SIRT4: variants seen among roughly 807,000 people sequenced by gnomAD.
SIRT4 encodes NAD-dependent protein lipoamidase sirtuin-4, mitochondrial.
Under a neutral mutation model 26.1 loss-of-function variants are expected in SIRT4, and 23 were observed. That is an observed-to-expected ratio of 0.88 (90% CI 0.63 to 1.25). The LOEUF (loss-of-function observed/expected upper bound fraction) is 1.25. Ranked by LOEUF, SIRT4 falls within the 50% of genes most tolerant of loss-of-function variation. The probability of loss-of-function intolerance (pLI) is 0.00; values close to 1 mark genes in which losing one functional copy is unlikely to be tolerated. For missense variants in SIRT4, 361 were observed against 405.4 expected (o/e 0.89, Z 0.94); for synonymous variants, 155 against 158.4 (o/e 0.98, Z 0.16).
rs749168988 is a variant in SIRT4, at chr12:120,303,928, C to T, written c.367C>T (p.Pro123Ser). 1.5e-5 allele frequency: 25 copies of T among 1,614,044 alleles called. No homozygotes were observed. The highest frequency in any genetic ancestry group is 1.9e-5 in the Non-Finnish European group (22 of 1,180,040). The change falls in exon 2 of 4, where the codon CCT becomes TCT. Residue 123 changes from proline to serine, a missense_variant. Physicochemically the swap from Pro to Ser is moderately conservative, Grantham distance 74 (BLOSUM62 -1). Transcript: ENST00000202967. The part of the protein sequence containing the change: ...WPQFSSHQPN[P>S]AHWALSTWEK... Reference sequence around the variant, plus strand: ...TCAATTCTCCTCCCACCAGCCTAACCCTGCACACTGGGCTTTGAGCACCTG... The same window carrying T: ...TCAATTCTCCTCCCACCAGCCTAACTCTGCACACTGGGCTTTGAGCACCTG...
upstream of SIRT4, among the ~76,000 whole-genome samples, chr12:120,301,973 G>A (rs146618917): frequency 6.8e-4 from 103 of 151,226 alleles, no homozygotes; most frequent in African/African-American, 2.4e-3. Context: ...GGTTGAACCC[G>A]GGAGAGGGAG....
At chr12:120,296,351 G>T in the SIRT4 span, among the ~76,000 whole-genome samples, 2 of 151,572 alleles carry the variant, frequency 1.3e-5, no homozygotes, top group Admixed American at 6.6e-5. Context: ...CCGAGTAGCT[G>T]GGACTACAGG....
At chr12:120,292,323 C>G in the SIRT4 span, among the ~76,000 whole-genome samples, 1 of 152,278 alleles carries the variant, frequency 6.6e-6, no homozygotes, top group South Asian at 2.1e-4. Flanking sequence ...GAGAACACGG[C>G]TGGGCGCGGT....
At chr12:120,292,816 A>G in the SIRT4 span, among the ~76,000 whole-genome samples, 1 of 151,824 alleles carries the variant, frequency 6.6e-6, no homozygotes, top group Non-Finnish European at 1.5e-5. Flanking sequence ...CAAAAAGAAA[A>G]CAGTGCGAGA....
intron 2 of SIRT4, among the ~76,000 whole-genome samples, chr12:120,311,248 G>A (rs1453996874): frequency 2.1e-4 from 31 of 150,232 alleles, no homozygotes; most frequent in African/African-American, 6.6e-4. Flanking sequence ...CCAGCTACTC[G>A]GGAGGCTGAG....
the SIRT4 span, among the ~76,000 whole-genome samples, chr12:120,297,113 C>G: frequency 6.6e-6 from 1 of 151,852 alleles, no homozygotes; most frequent in Non-Finnish European, 1.5e-5. Flanking sequence ...ATCCCAGCTA[C>G]TTGGGAGGCT....
At chr12:120,301,359 AAAC>A (rs71753742), upstream of SIRT4, among the ~76,000 whole-genome samples, 94,925 of 151,696 alleles carry the variant, frequency 0.63, 31,713 homozygotes, top group East Asian at 0.84. Flanking sequence ...ACAAACAAAC[AAAC>A]AACAACAACA....
chr12:120,299,062 T>TA (rs60970620), upstream of SIRT4, among the ~76,000 whole-genome samples: 83 of 141,724 alleles, frequency 5.9e-4, no homozygotes, highest in Middle Eastern at 3.8e-3. Context: ...CCGTCTCTAC[T>TA]AAAAAAAAAA....
the SIRT4 span, among the ~76,000 whole-genome samples, chr12:120,296,238 G>A: frequency 1.4e-5 from 2 of 146,620 alleles, no homozygotes; most frequent in African/African-American, 2.5e-5. Flanking sequence ...TTTTTTTTGA[G>A]ACGGAGTCTC....
chr12:120,296,106 A>AG, the SIRT4 span, among the ~76,000 whole-genome samples: 1 of 150,946 alleles, frequency 6.6e-6, no homozygotes, highest in African/African-American at 2.4e-5. Context: ...AAAAAAAAAA[A>AG]AAAAAAAGAA....
Position 120,309,450 on chromosome 12 carries a change from C to T in SIRT4, c.498-3006C>T, listed in dbSNP as rs1340658519. Among the ~76,000 whole-genome samples, 7 of 142,256 alleles carry T rather than the reference C, an allele frequency of 4.9e-5. 1 individual carries two copies. In the South Asian group the frequency reaches 6.7e-4, roughly 14 times the overall value. The allele number at this position is 142,256 out of a possible 152,430, so 93.3% of individuals were successfully genotyped here. ...TTTTTGAGACAGAGTCTCACTCTGT[C>T]GCCTAGGCTGGAGAGCAGTGGTGAG... On this transcript the variant is annotated intron_variant, in intron 2 of 3. Coordinates refer to ENST00000202967, the MANE Select transcript of SIRT4 (RefSeq NM_012240.3).
At chr12:120,310,007 G>T (rs574346375) in intron 2 of SIRT4, among the ~76,000 whole-genome samples, 1 of 151,988 alleles carries the variant, frequency 6.6e-6, no homozygotes, top group Admixed American at 6.6e-5. Flanking sequence ...GTGAGTCACC[G>T]TGCCCGGCCT....
chr12:120,304,138 A>C, intron 2 of SIRT4, 80 bp downstream of exon 2: 1 of 1,500,396 alleles, frequency 6.7e-7, no homozygotes, highest in Non-Finnish European at 8.9e-7. Flanking sequence ...CTTGATCACC[A>C]CAGTCTTAGA....
chr12:120,313,103 G>A lies in SIRT4; in HGVS notation c.*67G>A. 1.3e-6 allele frequency: 2 copies of A among 1,580,020 alleles called. No individual in the cohort carries two copies. The highest frequency in any genetic ancestry group is 2.2e-5 in the East Asian group (1 of 44,690). ...TTGAATCTTGCTGCTAAATGTAAAT[G>A]CCTTCTCAAATGACAGATTCCAGTT... On this transcript the variant is annotated 3_prime_UTR_variant, in exon 4 of 4. Transcript: ENST00000202967.
At chr12:120,306,033 AAAG>A (rs1007578573) in intron 2 of SIRT4, among the ~76,000 whole-genome samples, 6 of 151,496 alleles carry the variant, frequency 4.0e-5, no homozygotes, top group African/African-American at 1.5e-4. Flanking sequence ...AAAAAGAAAG[AAAG>A]AAAATTGTGT....
At chr12:120,305,522 A>G (rs1350054324) in intron 2 of SIRT4, among the ~76,000 whole-genome samples, 2 of 151,986 alleles carry the variant, frequency 1.3e-5, no homozygotes, top group Admixed American at 6.6e-5. Context: ...TGGCATCTCA[A>G]AGTGCTGGGA....
the SIRT4 span, among the ~76,000 whole-genome samples, chr12:120,293,948 T>C: frequency 2.0e-5 from 3 of 152,076 alleles, no homozygotes; most frequent in Admixed American, 6.6e-5. Flanking sequence ...TGTTGTAGTA[T>C]ATATCAGGAA....
the SIRT4 span, among the ~76,000 whole-genome samples, chr12:120,292,862 A>G: frequency 6.6e-6 from 1 of 152,204 alleles, no homozygotes; most frequent in African/African-American, 2.4e-5. Context: ...AGAAAAGTCA[A>G]CACCGCCCTG....
the SIRT4 span, among the ~76,000 whole-genome samples, chr12:120,296,366 C>T: frequency 2.6e-5 from 4 of 151,660 alleles, no homozygotes; most frequent in African/African-American, 7.3e-5. Flanking sequence ...TACAGGCGCC[C>T]GCCACCACGG....
Sources: allele counts gnomAD v4.1 joint callset (sites outside exome capture counted in the v4.1 genomes callset), GRCh38; gene constraint gnomAD v4.1.1; transcripts MANE v1.5; gene names NCBI Gene and HGNC (gene_info 2026-07-23, HGNC 2026-07-21).